KAT2B: variants seen among roughly 807,000 people sequenced by gnomAD.
KAT2B encodes the protein histone acetyltransferase KAT2B.
KAT2B carries 36 observed loss-of-function variants against 105.9 expected under a neutral mutation model. That is an observed-to-expected ratio of 0.34 (90% confidence interval 0.26 to 0.45). The LOEUF is 0.45. Ranked by LOEUF, KAT2B falls within the 20% of genes least tolerant of loss-of-function variation. The probability of loss-of-function intolerance (pLI) is 1.00; values close to 1 mark genes in which losing one functional copy is unlikely to be tolerated. For synonymous variants in KAT2B, 397 were observed against 377.9 expected (o/e 1.05, Z -0.59); for missense variants, 820 against 1,021.6 (o/e 0.80, Z 2.69).
At position 20,148,422 on chromosome 3, in the gene KAT2B, C is replaced by A. The variant is rs755926739; in HGVS notation, c.2240C>A (p.Pro747His). The A allele has an allele frequency of 6.2e-7, 1 of 1,611,444 alleles. No individual in the cohort carries two copies. Among genetic ancestry groups the A allele is most frequent in the Non-Finnish European group, 8.5e-7 (1 of 1,179,212 alleles). Residue 747 changes from proline to histidine, a missense_variant, in exon 17 of 18, where the codon CCC (proline) becomes CAC (histidine). Pro to His is a moderately conservative substitution (Grantham distance 77). Transcript: ENST00000263754. ...QQVKSHQSAW[P>H]FMEPVKRTEA... is the part of the protein sequence containing the mutation. ...CCCAAGAGCCATCAAAGCGCTTGGCCCTTCATGGAACCTGTGAAGAGAACA... is the reference window on the plus strand; with the variant it reads ...CCCAAGAGCCATCAAAGCGCTTGGCACTTCATGGAACCTGTGAAGAGAACA...
chr3:20,127,594 C>G, intron 11 of KAT2B, 45 bp downstream of exon 11: 1 of 1,588,124 alleles, frequency 6.3e-7, no homozygotes. Flanking sequence ...GAATGTGGGG[C>G]TTCTCACTAA....
intron 1 of KAT2B, among the ~76,000 whole-genome samples, chr3:20,045,125 C>T (rs1697785810): frequency 1.3e-5 from 2 of 152,000 alleles, no homozygotes; most frequent in Non-Finnish European, 2.9e-5. Flanking sequence ...AGTGATCCTT[C>T]CACCTTAGCC....
In KAT2B at chr3:20,061,534, A is replaced by G. The variant is rs149479405; in HGVS notation, c.304-10799A>G. Among the ~76,000 whole-genome samples the G allele has an allele frequency of 1.7e-3, 255 of 152,022 alleles. 4 individuals carry two copies. The highest frequency in any genetic ancestry group is 0.015 in the Admixed American group (226 of 15,240). ...GCGTCATATAGTAATTCCATTTCTA[A>G]TATTTTGAGGAACTGTCATACTGTT... On this transcript the variant is annotated intron_variant, in intron 1 of 17. Coordinates refer to ENST00000263754, the MANE Select transcript of KAT2B (RefSeq NM_003884.5).
At chr3:20,127,592 G>T in intron 11 of KAT2B, 43 bp downstream of exon 11, 1 of 1,588,280 alleles carries the variant, frequency 6.3e-7, no homozygotes, top group Non-Finnish European at 8.6e-7. Flanking sequence ...CAGAATGTGG[G>T]GCTTCTCACT....
chr3:20,040,869 C>A, intron 1 of KAT2B, 89 bp downstream of exon 1: 1 of 1,391,254 alleles, frequency 7.2e-7, no homozygotes. Context: ...ACCTCCGCCT[C>A]CCGCCTCCTG....
intron 11 of KAT2B, among the ~76,000 whole-genome samples, chr3:20,135,426 G>A (rs1699583695): frequency 6.6e-6 from 1 of 152,130 alleles, no homozygotes; most frequent in Non-Finnish European, 1.5e-5. Context: ...AGGCCGAGAC[G>A]GGCAGATCAC....
chr3:20,081,889 A>ATATATATATATATATG (rs1050308238), intron 2 of KAT2B, among the ~76,000 whole-genome samples: 6 of 146,286 alleles, frequency 4.1e-5, no homozygotes, highest in African/African-American at 1.5e-4. Context: ...ATATATATAT[A>ATATATATATATATATG]TGTATAAATG....
At chr3:20,075,652 A>C (rs1459574222) in intron 2 of KAT2B, among the ~76,000 whole-genome samples, 1 of 152,172 alleles carries the variant, frequency 6.6e-6, no homozygotes, top group Non-Finnish European at 1.5e-5. Flanking sequence ...CTGGTTTAAT[A>C]TAAAGGATAC....
At chr3:20,043,706 A>G (rs1329639997) in intron 1 of KAT2B, among the ~76,000 whole-genome samples, 3 of 145,784 alleles carry the variant, frequency 2.1e-5, no homozygotes, top group Admixed American at 1.4e-4. Context: ...GGAGAGTGAC[A>G]TTATCTCAGA....
intron 11 of KAT2B, among the ~76,000 whole-genome samples, chr3:20,130,580 T>G (rs1440369380): frequency 6.6e-6 from 1 of 152,208 alleles, no homozygotes; most frequent in African/African-American, 2.4e-5. Context: ...GAAATGCTGA[T>G]TAAGGTTGAG....
intron 4 of KAT2B, among the ~76,000 whole-genome samples, chr3:20,100,232 A>G (rs1698886842): frequency 1.3e-5 from 2 of 152,224 alleles, no homozygotes; most frequent in African/African-American, 4.8e-5. Flanking sequence ...TAAGAAGAAC[A>G]CATGAAATGT....
chr3:20,096,881 A>G (rs900130731), intron 3 of KAT2B, among the ~76,000 whole-genome samples: 1 of 152,172 alleles, frequency 6.6e-6, no homozygotes, highest in Non-Finnish European at 1.5e-5. Context: ...AGTGGGAGGT[A>G]GAATTATATT....
intron 1 of KAT2B, among the ~76,000 whole-genome samples, chr3:20,065,877 A>C (rs1698215162): frequency 6.6e-6 from 1 of 152,190 alleles, no homozygotes; most frequent in Non-Finnish European, 1.5e-5. Context: ...TTTATAGTCT[A>C]GTGCACCAAT....
At chr3:20,111,460 A>G in intron 5 of KAT2B, 136 bp from the exon 6 acceptor site, 3 of 630,262 alleles carry the variant, frequency 4.8e-6, no homozygotes, top group Non-Finnish European at 8.1e-6. Context: ...ACTAGCTGGC[A>G]GGGATATTGT....
intron 2 of KAT2B, among the ~76,000 whole-genome samples, chr3:20,083,510 A>G (rs2125188779): frequency 6.6e-6 from 1 of 152,264 alleles, no homozygotes; most frequent in African/African-American, 2.4e-5. Context: ...TAATTAGGAG[A>G]CTGGTAAATC....
intron 11 of KAT2B, among the ~76,000 whole-genome samples, chr3:20,133,395 G>C (rs1006085287): frequency 1.3e-5 from 2 of 149,338 alleles, no homozygotes; most frequent in African/African-American, 2.5e-5. Flanking sequence ...TACATCCTTG[G>C]TTACTCAGGT....
In KAT2B at chr3:20,114,984, A is replaced by T. The variant is rs1699180867; in HGVS notation, c.1146A>T (p.Gln382His). The T allele has an allele frequency of 2.5e-6, 4 of 1,600,952 alleles. No homozygotes were observed. The highest frequency in any genetic ancestry group is 3.4e-6 in the Non-Finnish European group (4 of 1,168,322). Residue 382 changes from glutamine to histidine, a missense_variant, in exon 7 of 18, where the codon CAA becomes CAT. Gln to His is a conservative substitution (Grantham distance 24). Around this residue, in one of 6 missense-constraint regions of KAT2B, gnomAD observed 225 missense variants for 268.1 expected, o/e 0.84. Coordinates refer to ENST00000263754, the MANE Select transcript of KAT2B (RefSeq NM_003884.5). ...CCAGAACCAGCCAGCTAGGCATCCA[A>T]ACAGGTAAGTTTCCTTTTACATGAA... The part of the protein sequence containing the change: ...ASSRTSQLGI[Q>H]TVINPPPVAG...
At chr3:20,062,103 A>AATATATATTATATATAAAAC (rs1559514088) in intron 1 of KAT2B, among the ~76,000 whole-genome samples, 23 of 49,814 alleles carry the variant, frequency 4.6e-4, no homozygotes, top group Middle Eastern at 0.018. Context: ...TAAAACATAT[A>AATATATATTATATATAAAAC]ATATATATTA....
intron 7 of KAT2B, among the ~76,000 whole-genome samples, chr3:20,118,799 A>G (rs1020615736): frequency 4.1e-5 from 6 of 148,128 alleles, no homozygotes; most frequent in Non-Finnish European, 5.9e-5. Flanking sequence ...TTATATATAA[A>G]TACAAATATA....
Sources: gnomAD v4.1 joint callset for allele counts (sites outside exome capture counted in the v4.1 genomes callset) on GRCh38, gnomAD v4.1.1 for gene constraint, gnomAD v4.1.1 regional missense constraint, MANE v1.5 for transcripts, NCBI Gene and HGNC (gene_info 2026-07-23, HGNC 2026-07-21) for gene names.